Variants in UNC5D observed in about 807,000 individuals in gnomAD.
The protein encoded by UNC5D is unc-5 netrin receptor D.
Under a neutral mutation model 105.4 loss-of-function variants are expected in UNC5D, and 39 were observed. That is an observed-to-expected ratio of 0.37 (90% CI 0.29 to 0.48). The LOEUF is 0.48. UNC5D is among the 20% of genes least tolerant of loss of function. UNC5D has a pLI of 0.98. For missense variants in UNC5D, 991 were observed against 1,202.4 expected, an observed-to-expected ratio of 0.82 and a Z score of 2.60; for synonymous variants, 452 against 450.4, an observed-to-expected ratio of 1.00 and a Z score of -0.04.
chr8:35,762,027 A>G (rs750048517), intron 14 of UNC5D, among the ~76,000 whole-genome samples: 21 of 152,156 alleles, frequency 1.4e-4, no homozygotes, highest in Non-Finnish European at 2.5e-4. Flanking sequence ...ACTATTCCTG[A>G]CATTGTTTAT....
chr8:35,765,434 T>G (rs2131704356), intron 14 of UNC5D, among the ~76,000 whole-genome samples: 1 of 152,324 alleles, frequency 6.6e-6, no homozygotes, highest in South Asian at 2.1e-4. Flanking sequence ...ACTTTTCTTT[T>G]GGTTCAGGAT....
chr8:35,382,147 A>G (rs1803084608), intron 1 of UNC5D, among the ~76,000 whole-genome samples: 1 of 152,232 alleles, frequency 6.6e-6, no homozygotes, highest in Non-Finnish European at 1.5e-5. Context: ...GACCCAGCAC[A>G]AAGCAGTCTG....
intron 4 of UNC5D, among the ~76,000 whole-genome samples, chr8:35,676,768 A>G (rs1489493781): frequency 6.6e-6 from 1 of 152,126 alleles, no homozygotes; most frequent in African/African-American, 2.4e-5. Flanking sequence ...GAGGAAAATG[A>G]TTTAGTGAAA....
Position 35,235,796 on chromosome 8 carries a change from G to A in UNC5D, c.12G>A (p.Ala4=), listed in dbSNP as rs530295412. The A allele has an allele frequency of 8.1e-7, 1 of 1,229,842 alleles. No homozygotes were observed. Among genetic ancestry groups the A allele is most frequent in the Middle Eastern group, 2.7e-4 (1 of 3,710 alleles). The allele number at this position is 1,229,842 out of a possible 1,614,324, so 76.2% of individuals were successfully genotyped here. MGR[A]AATAGGGGGA... ...ACGCGGCGAGGAGCATGGGGAGAGC[G>A]GCGGCCACCGCAGGCGGCGGCGGAG... is the stretch of plus-strand genomic sequence containing the variant. The change falls in exon 1 of 17, where the codon GCG becomes GCA. Residue 4 remains alanine, a synonymous_variant. Transcript: ENST00000404895.
At chr8:35,574,350 G>T (rs1817951738) in intron 3 of UNC5D, among the ~76,000 whole-genome samples, 1 of 152,142 alleles carries the variant, frequency 6.6e-6, no homozygotes, top group South Asian at 2.1e-4. Context: ...AGAAAACACA[G>T]CAGAAAACCA....
chr8:35,521,070 G>A (rs781222528), intron 1 of UNC5D, among the ~76,000 whole-genome samples: 1 of 152,052 alleles, frequency 6.6e-6, no homozygotes, highest in Non-Finnish European at 1.5e-5. Flanking sequence ...GTGATGTCAT[G>A]GAGAGACTGT....
chr8:35,788,183 C>CTGTG (rs144295080), intron 16 of UNC5D, among the ~76,000 whole-genome samples: 127 of 148,502 alleles, frequency 8.6e-4, no homozygotes, highest in African/African-American at 2.2e-3. Context: ...CTCAGAATTG[C>CTGTG]TGTGTGTGTG....
intron 4 of UNC5D, among the ~76,000 whole-genome samples, chr8:35,617,177 A>G (rs1563596374): frequency 6.6e-6 from 1 of 152,206 alleles, no homozygotes; most frequent in African/African-American, 2.4e-5. Context: ...CACCACAGCC[A>G]CAGCTTCTGC....
chr8:35,414,420 CT>C (rs1805399785), intron 1 of UNC5D, among the ~76,000 whole-genome samples: 3 of 152,242 alleles, frequency 2.0e-5, no homozygotes, highest in African/African-American at 7.2e-5. Flanking sequence ...CTTTGCTATA[CT>C]TTTCTTACAG....
At position 35,290,902 on chromosome 8, in the gene UNC5D, C is replaced by T. The variant is rs547823927; in HGVS notation, c.103+55015C>T. 4.8e-5 allele frequency among the ~76,000 whole-genome samples: 7 copies of T among 147,290 alleles called. No individual in the cohort carries two copies. The South Asian group carries it at 6.4e-4, about 14-fold the overall frequency. On this transcript the variant is annotated intron_variant, in intron 1 of 16. Coordinates refer to ENST00000404895, the MANE Select transcript of UNC5D (RefSeq NM_080872.4). ...GGTAGAGGTTGCAGTGAGCTGAGAT[C>T]GTGTCATTGCACTCCAGCCTGGGCG...
At chr8:35,482,292 G>A (rs1340013937) in intron 1 of UNC5D, among the ~76,000 whole-genome samples, 1 of 152,080 alleles carries the variant, frequency 6.6e-6, no homozygotes, top group East Asian at 1.9e-4. Flanking sequence ...TGCAGTATCT[G>A]ACACAAAGTA....
At chr8:35,496,425 C>T (rs564371427) in intron 1 of UNC5D, among the ~76,000 whole-genome samples, 2 of 152,072 alleles carry the variant, frequency 1.3e-5, no homozygotes, top group Admixed American at 1.3e-4. Flanking sequence ...TGGGACAGAC[C>T]GTTGGAAAAG....
intron 1 of UNC5D, among the ~76,000 whole-genome samples, chr8:35,413,101 G>C (rs1805281740): frequency 6.6e-6 from 1 of 152,098 alleles, no homozygotes; most frequent in African/African-American, 2.4e-5. Context: ...TGCATGCAAA[G>C]TTTGCCAGTA....
chr8:35,311,048 T>C (rs1471655155), intron 1 of UNC5D, among the ~76,000 whole-genome samples: 4 of 152,142 alleles, frequency 2.6e-5, no homozygotes. Flanking sequence ...AATAAAGTCA[T>C]CATAGGACTC....
chr8:35,393,260 A>C (rs940037778), intron 1 of UNC5D, among the ~76,000 whole-genome samples: 1 of 148,644 alleles, frequency 6.7e-6, no homozygotes, highest in South Asian at 2.1e-4. Context: ...CAGCCTCCCG[A>C]GTAGCTGGGA....
Position 35,457,079 on chromosome 8 carries a change from T to C in UNC5D, c.104-92213T>C, listed in dbSNP as rs372815820. On this transcript the variant is annotated intron_variant, in intron 1 of 16. Coordinates refer to ENST00000404895, the MANE Select transcript of UNC5D (RefSeq NM_080872.4). Reference sequence around the variant, plus strand: ...AACTTGACTTCATTTTCCTTCTCTGTTAAAGGGATAATAATACCTGCCGTT... The same window carrying C: ...AACTTGACTTCATTTTCCTTCTCTGCTAAAGGGATAATAATACCTGCCGTT... Among the ~76,000 whole-genome samples the C allele has an allele frequency of 2.0e-5, 3 of 152,212 alleles. No individual in the cohort carries two copies. In the East Asian group the frequency reaches 5.8e-4, roughly 29 times the overall value.
intron 1 of UNC5D, among the ~76,000 whole-genome samples, chr8:35,416,006 G>T (rs10102264): frequency 1.3e-5 from 2 of 152,072 alleles, no homozygotes; most frequent in South Asian, 4.1e-4. Flanking sequence ...TAACACTTAC[G>T]TGATGCAACA....
At chr8:35,331,831 A>C (rs548869010) in intron 1 of UNC5D, among the ~76,000 whole-genome samples, 1 of 152,146 alleles carries the variant, frequency 6.6e-6, no homozygotes, top group South Asian at 2.1e-4. Context: ...GCTTCTCTCT[A>C]TGCTGCATCT....
intron 1 of UNC5D, among the ~76,000 whole-genome samples, chr8:35,475,142 C>T (rs1214668908): frequency 1.3e-5 from 2 of 150,432 alleles, no homozygotes; most frequent in Non-Finnish European, 3.0e-5. Context: ...TTTGTTTTTC[C>T]TTGAACTTGG....
Sources: allele counts gnomAD v4.1 joint callset (sites outside exome capture counted in the v4.1 genomes callset), GRCh38; gene constraint gnomAD v4.1.1; transcripts MANE v1.5; gene names NCBI Gene and HGNC (gene_info 2026-07-23, HGNC 2026-07-21).